ZFP1: variants seen among roughly 807,000 people sequenced by gnomAD.
ZFP1 encodes ZFP1 zinc finger protein.
A neutral mutation model predicts 38.5 loss-of-function variants in ZFP1; 32 were observed. The ratio of observed to expected loss-of-function variants is 0.83; its 90% CI spans 0.63 to 1.12. The LOEUF (loss-of-function observed/expected upper bound fraction) is 1.12, where lower values mean the gene tolerates loss of function less well. Ranked by LOEUF, ZFP1 falls within the 50% of genes most tolerant of loss-of-function variation. ZFP1 has a pLI of 0.00. For missense variants in ZFP1, 616 were observed against 480.8 expected, an observed-to-expected ratio of 1.28 and a Z score of -2.63; for synonymous variants, 245 against 168.8, an observed-to-expected ratio of 1.45 and a Z score of -3.50.
the ZFP1 span, among the ~76,000 whole-genome samples, chr16:75,139,642 C>T: frequency 3.9e-5 from 6 of 152,096 alleles, no homozygotes; most frequent in Non-Finnish European, 8.8e-5. Flanking sequence ...GGATTACAGG[C>T]ATGAGCTACC....
chr16:75,123,227 G>A, the ZFP1 span, among the ~76,000 whole-genome samples: 2 of 151,314 alleles, frequency 1.3e-5, no homozygotes, highest in African/African-American at 2.4e-5. Context: ...AGTGGTGCAT[G>A]CCTGTAGTCC....
chr16:75,140,682 G>A, the ZFP1 span, among the ~76,000 whole-genome samples: 48,663 of 152,074 alleles, frequency 0.32, 7,965 homozygotes, highest in Non-Finnish European at 0.35. Context: ...GGGGGAGGCC[G>A]GGCACGGTGG....
the ZFP1 span, among the ~76,000 whole-genome samples, chr16:75,121,936 C>T: frequency 6.6e-6 from 1 of 152,064 alleles, no homozygotes; most frequent in African/African-American, 2.4e-5. Flanking sequence ...CATACTTATC[C>T]CTGCCAAATA....
At position 75,172,027 on chromosome 16, in the gene ZFP1, A is replaced by G. The variant is rs1490226333; in HGVS notation, c.*1693A>G. On this transcript the variant is annotated 3_prime_UTR_variant, in exon 4 of 4. Coordinates refer to ENST00000570010, the MANE Select transcript of ZFP1 (RefSeq NM_153688.4). ...ATATTGTATTTTTTGGTAAGGACCAAAAAAACAAACAAAAAAAAGACCATC... is the reference window on the plus strand; with the variant it reads ...ATATTGTATTTTTTGGTAAGGACCAGAAAAACAAACAAAAAAAAGACCATC... The G allele has an allele frequency of 6.6e-6, 1 of 152,220 alleles. No homozygotes were observed. Among genetic ancestry groups the G allele is most frequent in the Non-Finnish European group, 1.5e-5 (1 of 68,040 alleles). 9.4% of individuals were successfully genotyped at this position (152,220 alleles called of 1,614,324 possible).
the ZFP1 span, among the ~76,000 whole-genome samples, chr16:75,121,907 C>T: frequency 1.3e-4 from 20 of 152,192 alleles, no homozygotes; most frequent in African/African-American, 4.8e-4. Context: ...TTTTTGTTTG[C>T]ATATTAATCC....
At chr16:75,155,385 C>T (rs1052926151) in intron 2 of ZFP1, among the ~76,000 whole-genome samples, 14 of 152,194 alleles carry the variant, frequency 9.2e-5, no homozygotes, top group Admixed American at 2.0e-4. Flanking sequence ...CCATGTCCAC[C>T]TCAGTCTCCT....
the ZFP1 span, among the ~76,000 whole-genome samples, chr16:75,138,839 G>C: frequency 6.6e-6 from 1 of 152,316 alleles, no homozygotes. Context: ...CCGTTCTCCA[G>C]AACTGTGAAA....
Position 75,170,687 on chromosome 16 carries a change from A to T in ZFP1, c.*353A>T. ...TTATGTGGATATGCCACAAAACACA[A>T]GTGGTATGCTTTAGATCTGCACATG... is the stretch of plus-strand genomic sequence containing the variant. On this transcript the variant is annotated 3_prime_UTR_variant, in exon 4 of 4. Coordinates refer to ENST00000570010, the MANE Select transcript of ZFP1 (RefSeq NM_153688.4). The T allele has an allele frequency of 5.3e-6, 1 of 186,994 alleles. No individual in the cohort carries two copies. The highest frequency in any genetic ancestry group is 1.1e-5 in the Non-Finnish European group (1 of 89,966). 11.6% of individuals were successfully genotyped at this position (186,994 alleles called of 1,614,324 possible). A position where few individuals can be genotyped will look rare whatever the true frequency, so the allele number is the denominator to read the frequency against.
intron 2 of ZFP1, among the ~76,000 whole-genome samples, chr16:75,163,463 C>T (rs531907361): frequency 6.6e-6 from 1 of 152,084 alleles, no homozygotes; most frequent in East Asian, 1.9e-4. Flanking sequence ...AGGTGCCCAC[C>T]ACCATGCCCG....
Position 75,170,470 on chromosome 16 carries a change from A to T in ZFP1, c.*136A>T. On this transcript the variant is annotated 3_prime_UTR_variant, in exon 4 of 4. Coordinates refer to ENST00000570010, the MANE Select transcript of ZFP1 (RefSeq NM_153688.4). ...CTCAACTCAAAAATGTATTAAAAATAGGATCCCATGAGAACATTATACTGG... is the reference window on the plus strand; with the variant it reads ...CTCAACTCAAAAATGTATTAAAAATTGGATCCCATGAGAACATTATACTGG... 4 of 1,288,834 alleles carry T rather than the reference A, an allele frequency of 3.1e-6. No homozygotes were observed. The highest frequency in any genetic ancestry group is 4.1e-6 in the Non-Finnish European group (4 of 982,624). The allele number at this position is 1,288,834 out of a possible 1,614,324, so 79.8% of individuals were successfully genotyped here. A position where few individuals can be genotyped will look rare whatever the true frequency, so the allele number is the denominator to read the frequency against.
chr16:75,140,452 G>A, the ZFP1 span, among the ~76,000 whole-genome samples: 2 of 152,088 alleles, frequency 1.3e-5, no homozygotes, highest in Non-Finnish European at 2.9e-5. Flanking sequence ...CTCAACTCCT[G>A]CTATGACCTC....
At chr16:75,165,152 G>T (rs541763998) in intron 2 of ZFP1, among the ~76,000 whole-genome samples, 1 of 152,016 alleles carries the variant, frequency 6.6e-6, no homozygotes, top group African/African-American at 2.4e-5. Flanking sequence ...ATTTGTTGAC[G>T]TGTTGCCTAT....
At chr16:75,134,353 C>G in the ZFP1 span, among the ~76,000 whole-genome samples, 1 of 152,088 alleles carries the variant, frequency 6.6e-6, no homozygotes, top group South Asian at 2.1e-4. Flanking sequence ...AATTTGGCTT[C>G]TTTGTAATAT....
chr16:75,143,264 G>A, the ZFP1 span, among the ~76,000 whole-genome samples: 1 of 151,982 alleles, frequency 6.6e-6, no homozygotes, highest in Admixed American at 6.6e-5. Flanking sequence ...TTTTTGAGAT[G>A]GAGTCTCACT....
chr16:75,119,208 C>G, the ZFP1 span, among the ~76,000 whole-genome samples: 1 of 152,152 alleles, frequency 6.6e-6, no homozygotes, highest in Non-Finnish European at 1.5e-5. Flanking sequence ...ATTTTGGTAA[C>G]CACAGAAGAA....
chr16:75,124,313 C>G, the ZFP1 span, among the ~76,000 whole-genome samples: 12 of 150,488 alleles, frequency 8.0e-5, no homozygotes, highest in South Asian at 2.5e-3. Flanking sequence ...CACCCACCAC[C>G]ACTCCTGGCT....
chr16:75,150,575 G>T (rs1449625545), intron 1 of ZFP1, among the ~76,000 whole-genome samples: 1 of 152,098 alleles, frequency 6.6e-6, no homozygotes, highest in Non-Finnish European at 1.5e-5. Flanking sequence ...AGAATACTGT[G>T]TTACGAATTT....
intron 2 of ZFP1, among the ~76,000 whole-genome samples, chr16:75,164,631 C>A (rs971185341): frequency 2.6e-5 from 4 of 152,048 alleles, no homozygotes; most frequent in Admixed American, 1.3e-4. Context: ...CATTCTAGAT[C>A]GGGGGTGTCA....
the ZFP1 span, among the ~76,000 whole-genome samples, chr16:75,128,166 G>A: frequency 6.6e-6 from 1 of 152,218 alleles, no homozygotes; most frequent in Non-Finnish European, 1.5e-5. Context: ...CACAGTCCCT[G>A]TAAAGGGTTC....
Sources: allele counts gnomAD v4.1 joint callset (sites outside exome capture counted in the v4.1 genomes callset), GRCh38; gene constraint gnomAD v4.1.1; transcripts MANE v1.5; gene names NCBI Gene and HGNC (gene_info 2026-07-23, HGNC 2026-07-21).